PDXDC1: variants seen among roughly 807,000 people sequenced by gnomAD.
PDXDC1 encodes pyridoxal dependent decarboxylase domain containing 1.
PDXDC1 carries 42 observed loss-of-function variants against 100.1 expected under a neutral mutation model. That is an observed-to-expected ratio of 0.42 (90% CI 0.33 to 0.54). PDXDC1 has a LOEUF of 0.54. PDXDC1 is among the 20% of genes least tolerant of loss of function. The pLI is 0.10. For synonymous variants in PDXDC1, 260 were observed against 371.7 expected (o/e 0.70, Z 3.46); for missense variants, 636 against 979.2 (o/e 0.65, Z 4.68).
intron 16 of PDXDC1, among the ~76,000 whole-genome samples, chr16:15,089,535 T>C (rs1050487551): frequency 3.0e-4 from 46 of 152,214 alleles, no homozygotes; most frequent in Non-Finnish European, 5.4e-4. Flanking sequence ...GCGTGGTTAC[T>C]CACGCCTCTA....
At position 15,125,598 on chromosome 16, in the gene PDXDC1, G is replaced by A. The variant is rs1260896219; in HGVS notation, c.1400-13281G>A. ...AGTCACTCTTCACCTGTCCAGCAAA[G>A]GCCTGCTGAGAGGTGCACAGTGTCT... On this transcript the variant is annotated intron_variant, in intron 16 of 16. Transcript: ENST00000535621. The A allele has an allele frequency of 4.5e-6, 6 of 1,331,222 alleles. No homozygotes were observed. The Admixed American group carries it at 1.0e-4, about 22-fold the overall frequency. 82.5% of individuals were successfully genotyped at this position (1,331,222 alleles called of 1,614,324 possible).
intron 16 of PDXDC1, among the ~76,000 whole-genome samples, chr16:15,100,220 TAAC>T (rs1398967759): frequency 1.3e-5 from 2 of 152,204 alleles, no homozygotes; most frequent in Non-Finnish European, 2.9e-5. Flanking sequence ...AATTTCTAAA[TAAC>T]AAAACCAATA....
At chr16:15,062,996 A>G (rs1351490871) in intron 16 of PDXDC1, among the ~76,000 whole-genome samples, 1 of 152,160 alleles carries the variant, frequency 6.6e-6, no homozygotes, top group African/African-American at 2.4e-5. Context: ...GGTGTGCACC[A>G]CCACGCCCAG....
chr16:15,077,714 G>A (rs1215585381), intron 16 of PDXDC1, among the ~76,000 whole-genome samples: 3 of 152,174 alleles, frequency 2.0e-5, no homozygotes, highest in African/African-American at 7.2e-5. Context: ...GGTGGCATGT[G>A]CCTGTAATCC....
At chr16:15,130,589 C>A (rs1204622071) in intron 16 of PDXDC1, 2 of 1,350,380 alleles carry the variant, frequency 1.5e-6, no homozygotes, top group Admixed American at 3.4e-5. Context: ...CAATGCTGAC[C>A]CATGATGCCC....
chr16:15,034,724 C>T (rs1404832382), intron 21 of PDXDC1, among the ~76,000 whole-genome samples, 171 bp downstream of exon 21: 3 of 152,176 alleles, frequency 2.0e-5, no homozygotes, highest in East Asian at 1.9e-4. Flanking sequence ...GTCCTCCTCC[C>T]CACCGCACCC....
intron 16 of PDXDC1, chr16:15,130,286 G>A (rs1005146946): frequency 1.9e-5 from 29 of 1,536,166 alleles, no homozygotes; most frequent in Admixed American, 9.8e-5. Flanking sequence ...AGACGGCCTG[G>A]CGGGGCGAGG....
At chr16:15,132,548 C>G (rs1032687051) in intron 16 of PDXDC1, among the ~76,000 whole-genome samples, 2 of 151,062 alleles carry the variant, frequency 1.3e-5, no homozygotes, top group Non-Finnish European at 3.0e-5. Flanking sequence ...TCACACAGGA[C>G]AGCAGAAAGG....
chr16:15,013,371 A>AAAAAAAAAAAAAAAAAAAAT (rs2041501719), intron 8 of PDXDC1, among the ~76,000 whole-genome samples: 1 of 151,678 alleles, frequency 6.6e-6, no homozygotes. Flanking sequence ...AAAAAAAAAA[A>AAAAAAAAAAAAAAAAAAAAT]AAAGGCAAAA....
chr16:15,031,821 C>A lies in PDXDC1; in HGVS notation c.1486C>A (p.Arg496Ser), dbSNP rs150324936. The part of the protein sequence containing the change: ...LPVLCCTLQL[R>S]EEFKQEVEAT... ...AGTGCTGTGCTGTACGCTCCAGTTG[C>A]GTGAAGAGTTCAAGCAGGAAGTGGA... The change falls in exon 17 of 23, where the codon CGT becomes AGT. Residue 496 changes from arginine (R) to serine (S), a missense_variant. Arg to Ser is a moderately radical substitution (Grantham distance 110). Transcript: ENST00000396410. 1.9e-6 allele frequency: 3 copies of A among 1,613,732 alleles called. No homozygotes were observed. The African/African-American group carries it at 4.0e-5, about 22-fold the overall frequency.
rs866651211 is a variant in PDXDC1 at position 15,131,631 on chromosome 16, C to T, written c.1400-7248C>T. On this transcript the variant is annotated intron_variant, in intron 16 of 16. Transcript: ENST00000535621. ...GGTTGTAGGCCTGGGACGCCACCAT[C>T]CGCGATGGTGACTCGGCTCCCAGCT... 68 of 1,597,428 alleles carry T rather than the reference C, an allele frequency of 4.3e-5. No individual in the cohort carries two copies. The East Asian group carries it at 1.2e-3, about 29-fold the overall frequency.
rs201892078 is a variant in PDXDC1, at chr16:15,080,927, TAC to T, written c.1399+50875_1399+50876del. Among the ~76,000 whole-genome samples the T allele has an allele frequency of 8.5e-3, 1,298 of 152,156 alleles. 7 individuals are homozygous for T. The highest frequency in any genetic ancestry group is 0.037 in the Middle Eastern group (11 of 294). Reference sequence around the variant, plus strand: ...CATTCCTCTCATATCAATGGAGTCATACACAGTTTGTGGCATGTTTTTAGGGT... The same window carrying T: ...CATTCCTCTCATATCAATGGAGTCATACAGTTTGTGGCATGTTTTTAGGGT... On this transcript the variant is annotated intron_variant, in intron 16 of 16. Coordinates refer to the PDXDC1 transcript ENST00000535621.
intron 16 of PDXDC1, chr16:15,092,751 A>T (rs191605707): frequency 1.6e-6 from 1 of 637,190 alleles, no homozygotes; most frequent in African/African-American, 1.8e-5. Context: ...TCCACTCTTA[A>T]CCAACAATCC....
chr16:15,065,795 G>A (rs1359333565), intron 16 of PDXDC1, among the ~76,000 whole-genome samples: 2 of 152,096 alleles, frequency 1.3e-5, no homozygotes, highest in South Asian at 2.1e-4. Flanking sequence ...AGTTACTCAG[G>A]AGGAAATAGT....
At chr16:14,990,593 T>A (rs1311645367) in intron 1 of PDXDC1, among the ~76,000 whole-genome samples, 70 of 152,376 alleles carry the variant, frequency 4.6e-4, no homozygotes, top group African/African-American at 1.6e-3. Flanking sequence ...ATATTTTGAA[T>A]TATCCAATTA....
chr16:14,979,412 C>G (rs1967443644), intron 1 of PDXDC1, among the ~76,000 whole-genome samples: 1 of 152,278 alleles, frequency 6.6e-6, no homozygotes, highest in Admixed American at 6.5e-5. Context: ...GCCTCAGCCT[C>G]TCAAGTAGCT....
In PDXDC1 at chr16:15,135,629, C is replaced by T. The variant is rs566091220; in HGVS notation, c.1400-3250C>T. On this transcript the variant is annotated intron_variant, in intron 16 of 16. Transcript: ENST00000535621. ...GTGGACGGGTGAGGGGCATGGAGGA[C>T]GGCCCTGCCACGCACTGACCTGTGT... 105 of 1,562,892 alleles carry T rather than the reference C, an allele frequency of 6.7e-5. No homozygotes were observed. In the South Asian group the frequency reaches 7.3e-4, roughly 11 times the overall value.
chr16:15,037,545 A>G lies in PDXDC1; in HGVS notation c.*1270A>G. The stretch of plus-strand genomic sequence containing the variant: ...GGTGCAATGAAGTATAGCAGATAAA[A>G]TGGGGGAGGGGTAAATTATCACCTT... On this transcript the variant is annotated 3_prime_UTR_variant, in exon 23 of 23. Coordinates refer to ENST00000396410, the MANE Select transcript of PDXDC1 (RefSeq NM_015027.4). 6.5e-6 allele frequency: 1 copy of G among 153,672 alleles called. No homozygotes were observed. Among genetic ancestry groups the G allele is most frequent in the East Asian group, 1.9e-4 (1 of 5,234 alleles). The allele number at this position is 153,672 out of a possible 1,614,324, so 9.5% of individuals were successfully genotyped here.
downstream of PDXDC1, chr16:15,038,687 T>C: frequency 6.6e-7 from 1 of 1,515,628 alleles, no homozygotes; most frequent in Non-Finnish European, 9.1e-7. Context: ...ATGCTAATCA[T>C]CTAAAAAAGA....
Sources: allele counts gnomAD v4.1 joint callset (sites outside exome capture counted in the v4.1 genomes callset), GRCh38; gene constraint gnomAD v4.1.1; transcripts MANE v1.5; gene names NCBI Gene and HGNC (gene_info 2026-07-23, HGNC 2026-07-21).